The following CSNK1G1 variants were observed in gnomAD, a reference collection of about 807,000 sequenced individuals.
The protein encoded by CSNK1G1 is casein kinase 1 gamma 1, also known as casein kinase I isoform gamma-1.
In CSNK1G1, 22 loss-of-function variants were observed where a neutral mutation model predicts 59.6. The ratio of observed to expected loss-of-function variants is 0.37; its 90% CI spans 0.26 to 0.53. The LOEUF (loss-of-function observed/expected upper bound fraction) is 0.53. Ranked by LOEUF, CSNK1G1 falls within the 20% of genes least tolerant of loss-of-function variation. CSNK1G1 has a pLI of 0.89. For missense variants in CSNK1G1, 384 were observed against 519.5 expected, an observed-to-expected ratio of 0.74 and a Z score of 2.54; for synonymous variants, 179 against 177.1, an observed-to-expected ratio of 1.01 and a Z score of -0.08.
intron 2 of CSNK1G1, among the ~76,000 whole-genome samples, chr15:64,278,056 T>C (rs1461248592): frequency 6.7e-6 from 1 of 149,342 alleles, no homozygotes; most frequent in Non-Finnish European, 1.5e-5. Context: ...AAAATATATA[T>C]ATTTTTTGAG....
At chr15:64,294,703 G>T (rs976401090) in intron 2 of CSNK1G1, among the ~76,000 whole-genome samples, 2 of 151,502 alleles carry the variant, frequency 1.3e-5, no homozygotes, top group Non-Finnish European at 2.9e-5. Context: ...CTGAGGTCAG[G>T]AGTTCAAGAC....
chr15:64,215,561 T>G (rs976710721), intron 5 of CSNK1G1, among the ~76,000 whole-genome samples: 1 of 152,212 alleles, frequency 6.6e-6, no homozygotes, highest in African/African-American at 2.4e-5. Flanking sequence ...TATTTGAATT[T>G]GGGGCTCAAA....
intron 1 of CSNK1G1, among the ~76,000 whole-genome samples, chr15:64,327,402 C>A (rs200091553): frequency 5.3e-5 from 8 of 150,412 alleles, no homozygotes; most frequent in South Asian, 4.2e-4. Flanking sequence ...AGGCACTCCC[C>A]AGCAGGGGCA....
chr15:64,351,399 T>G (rs531759282), intron 1 of CSNK1G1, among the ~76,000 whole-genome samples: 2 of 152,326 alleles, frequency 1.3e-5, no homozygotes, highest in South Asian at 4.1e-4. Flanking sequence ...AAACAAAGGT[T>G]TAGTCATTTT....
At chr15:64,249,966 G>A (rs1250059361) in intron 4 of CSNK1G1, among the ~76,000 whole-genome samples, 2 of 152,194 alleles carry the variant, frequency 1.3e-5, no homozygotes, top group Non-Finnish European at 2.9e-5. Flanking sequence ...AAACTTCTAA[G>A]CTGGACTGGA....
chr15:64,283,240 A>G (rs2140371119), intron 2 of CSNK1G1, among the ~76,000 whole-genome samples: 1 of 152,300 alleles, frequency 6.6e-6, no homozygotes. Flanking sequence ...CTTTTTATGA[A>G]TGAGTTGTAA....
intron 1 of CSNK1G1, among the ~76,000 whole-genome samples, chr15:64,338,791 G>C (rs911385064): frequency 6.6e-6 from 1 of 151,536 alleles, no homozygotes; most frequent in Non-Finnish European, 1.5e-5. Flanking sequence ...GTGGAAGCTG[G>C]TGGATCACCT....
intron 1 of CSNK1G1, among the ~76,000 whole-genome samples, chr15:64,307,141 C>T (rs1346181279): frequency 1.3e-5 from 2 of 151,876 alleles, no homozygotes; most frequent in African/African-American, 2.4e-5. Context: ...TGTAAACTAC[C>T]GACTTTAGTT....
At chr15:64,285,189 T>C (rs1056966378) in intron 2 of CSNK1G1, among the ~76,000 whole-genome samples, 1 of 152,122 alleles carries the variant, frequency 6.6e-6, no homozygotes, top group Non-Finnish European at 1.5e-5. Flanking sequence ...ACAGTTCTAG[T>C]ACTCCACTTG....
chr15:64,198,815 G>C (rs986667084), intron 10 of CSNK1G1, among the ~76,000 whole-genome samples: 3 of 151,708 alleles, frequency 2.0e-5, no homozygotes, highest in Non-Finnish European at 4.4e-5. Flanking sequence ...ACAGACACTA[G>C]AAATCCATTA....
Position 64,310,243 on chromosome 15 carries a change from G to A in CSNK1G1, c.-224-9520C>T, listed in dbSNP as rs559147249. On this transcript the variant is annotated intron_variant, in intron 1 of 11. Transcript: ENST00000303052. The stretch of plus-strand genomic sequence containing the variant: ...CATGAAGAAACAGCCTATTTACATA[G>A]GCACAAAGTAGGTGAGAGGTAGAAA... Among the ~76,000 whole-genome samples, 82 of 152,124 alleles carry A rather than the reference G, an allele frequency of 5.4e-4. No homozygotes were observed. In the South Asian group the frequency reaches 0.016, roughly 29 times the overall value.
intron 2 of CSNK1G1, among the ~76,000 whole-genome samples, chr15:64,278,377 CGTGTGTGTGTGTGTGTGT>C (rs56064136): frequency 2.7e-5 from 3 of 111,486 alleles, no homozygotes; most frequent in South Asian, 3.1e-4. Flanking sequence ...CATGTATGTG[CGTGTGTGTGTGTGTGTGT>C]GTGTGTGTGT....
At chr15:64,251,092 C>T (rs760529965) in intron 4 of CSNK1G1, among the ~76,000 whole-genome samples, 3 of 152,114 alleles carry the variant, frequency 2.0e-5, no homozygotes, top group South Asian at 2.1e-4. Context: ...GATAAAATGA[C>T]GGTTCTGTAA....
chr15:64,175,951 C>T (rs2081736594), intron 11 of CSNK1G1, among the ~76,000 whole-genome samples: 1 of 152,236 alleles, frequency 6.6e-6, no homozygotes, highest in South Asian at 2.1e-4. Flanking sequence ...TTCTGTCCCT[C>T]TCCATATCTG....
intron 4 of CSNK1G1, among the ~76,000 whole-genome samples, chr15:64,242,699 G>A (rs1286218702): frequency 1.3e-5 from 2 of 152,136 alleles, no homozygotes; most frequent in African/African-American, 4.8e-5. Context: ...CATTAGAAAA[G>A]TGAAGAGGAG....
intron 1 of CSNK1G1, among the ~76,000 whole-genome samples, chr15:64,338,716 A>AAC (rs1555404965): frequency 7.3e-6 from 1 of 136,218 alleles, no homozygotes; most frequent in African/African-American, 2.7e-5. Flanking sequence ...AAAAAAAAAA[A>AAC]AAAAAAAAAA....
intron 4 of CSNK1G1, among the ~76,000 whole-genome samples, chr15:64,236,229 T>C (rs756361607): frequency 6.6e-5 from 10 of 152,094 alleles, no homozygotes; most frequent in Admixed American, 5.9e-4. Context: ...AATTCATGGC[T>C]ATCTCCACTT....
intron 2 of CSNK1G1, among the ~76,000 whole-genome samples, chr15:64,282,836 T>C (rs909639037): frequency 1.4e-4 from 21 of 152,198 alleles, no homozygotes; most frequent in African/African-American, 4.6e-4. Context: ...TATCTGATTC[T>C]AGTCACCCTA....
intron 1 of CSNK1G1, among the ~76,000 whole-genome samples, chr15:64,320,220 C>T (rs1038344780): frequency 6.6e-6 from 1 of 151,730 alleles, no homozygotes; most frequent in Non-Finnish European, 1.5e-5. Flanking sequence ...ATAATTCCAC[C>T]GAAACAGGCA....
Sources: allele counts gnomAD v4.1 joint callset (sites outside exome capture counted in the v4.1 genomes callset), GRCh38; gene constraint gnomAD v4.1.1; transcripts MANE v1.5; gene names NCBI Gene and HGNC (gene_info 2026-07-23, HGNC 2026-07-21).